DOCK3: variants seen among roughly 807,000 people sequenced by gnomAD.
DOCK3 encodes dedicator of cytokinesis protein 3.
DOCK3 carries 60 observed loss-of-function variants against 265.6 expected under a neutral mutation model. The ratio of observed to expected loss-of-function variants is 0.23; its 90% CI spans 0.18 to 0.28. The LOEUF (loss-of-function observed/expected upper bound fraction) is 0.28, where lower values mean the gene tolerates loss of function less well. Ranked by LOEUF, DOCK3 falls within the 10% of genes least tolerant of loss-of-function variation. DOCK3 has a pLI of 1.00. For missense variants in DOCK3, 1,981 were observed against 2,594.3 expected, an observed-to-expected ratio of 0.76 and a Z score of 5.14; for synonymous variants, 881 against 938.0, an observed-to-expected ratio of 0.94 and a Z score of 1.11.
intron 27 of DOCK3, among the ~76,000 whole-genome samples, chr3:51,302,194 TC>T (rs2082395971): frequency 6.6e-6 from 1 of 152,214 alleles, no homozygotes; most frequent in African/African-American, 2.4e-5. Flanking sequence ...CCCTTCTTTA[TC>T]TTTTTTTGTC....
chr3:51,252,476 G>A (rs138105943), intron 22 of DOCK3, among the ~76,000 whole-genome samples: 6,542 of 152,248 alleles, frequency 0.043, 180 homozygotes, highest in Non-Finnish European at 0.067. Flanking sequence ...TCACAGTATT[G>A]ATTCTTCCTA....
chr3:50,680,879 C>T (rs574744893), intron 1 of DOCK3, among the ~76,000 whole-genome samples: 111 of 152,018 alleles, frequency 7.3e-4, no homozygotes, highest in Non-Finnish European at 1.5e-3. Context: ...AGTCCCTTAT[C>T]AGATAAATAG....
intron 3 of DOCK3, among the ~76,000 whole-genome samples, chr3:50,843,284 CA>C (rs1262404540): frequency 1.3e-5 from 2 of 151,934 alleles, no homozygotes; most frequent in Non-Finnish European, 2.9e-5. Flanking sequence ...GGTCAGTGTC[CA>C]AGACATTCTG....
At chr3:51,146,483 G>A (rs568713947) in intron 9 of DOCK3, 66 bp from the exon 10 acceptor site, 3 of 1,479,838 alleles carry the variant, frequency 2.0e-6, no homozygotes, top group Middle Eastern at 1.7e-4. Flanking sequence ...TTCCGTATCT[G>A]CCCTTTTTCT....
At chr3:50,822,853 A>T (rs2044523694) in intron 2 of DOCK3, among the ~76,000 whole-genome samples, 1 of 152,176 alleles carries the variant, frequency 6.6e-6, no homozygotes, top group Admixed American at 6.5e-5. Flanking sequence ...CCTGCCACTT[A>T]CTAATGACAC....
intron 12 of DOCK3, among the ~76,000 whole-genome samples, chr3:51,174,166 A>G (rs2086824067): frequency 6.6e-6 from 1 of 151,980 alleles, no homozygotes; most frequent in Admixed American, 6.6e-5. Flanking sequence ...TCATTGTTAA[A>G]CTTCTTGGCT....
intron 18 of DOCK3, 103 bp from the exon 19 acceptor site, chr3:51,229,409 C>T: frequency 1.4e-6 from 1 of 723,580 alleles, no homozygotes; most frequent in South Asian, 3.1e-5. Flanking sequence ...TGAGATCATA[C>T]AACCGCACTC....
intron 5 of DOCK3, among the ~76,000 whole-genome samples, chr3:51,047,809 G>A (rs1365016448): frequency 6.6e-6 from 1 of 152,020 alleles, no homozygotes; most frequent in Non-Finnish European, 1.5e-5. Context: ...ATTATACCAG[G>A]CATTTAGAGA....
intron 3 of DOCK3, among the ~76,000 whole-genome samples, chr3:50,855,211 A>C (rs376368519): frequency 5.1e-4 from 77 of 152,246 alleles, no homozygotes; most frequent in African/African-American, 1.8e-3. Flanking sequence ...TCTGTAGATT[A>C]TTTTGGGCAG....
Position 51,341,241 on chromosome 3 carries a change from C to T in DOCK3, c.3771C>T (p.Ala1257=), listed in dbSNP as rs762041259. 13 of 1,571,584 alleles carry T rather than the reference C, an allele frequency of 8.3e-6. No individual in the cohort carries two copies. The highest frequency in any genetic ancestry group is 4.0e-5 in the African/African-American group (3 of 74,270). Residue 1257 remains alanine (A), a synonymous_variant, in exon 38 of 53, where the codon GCC becomes GCT. Coordinates refer to ENST00000266037, the MANE Select transcript of DOCK3 (RefSeq NM_004947.5). The stretch of plus-strand genomic sequence containing the variant: ...CCATGCTGTCTGTCCCCACAGAGGC[C>T]GCATTTACCCTGCTCCTTTACTGTG... The part of the protein sequence containing the change: ...MHLQAENYTE[A]AFTLLLYCEL...
At chr3:51,286,863 C>G (rs1395270917) in intron 27 of DOCK3, among the ~76,000 whole-genome samples, 1 of 152,138 alleles carries the variant, frequency 6.6e-6, no homozygotes, top group Non-Finnish European at 1.5e-5. Context: ...TATAAAAACT[C>G]TGGAAGATTT....
intron 2 of DOCK3, among the ~76,000 whole-genome samples, chr3:50,819,568 G>C (rs141760613): frequency 6.6e-6 from 1 of 152,116 alleles, no homozygotes; most frequent in East Asian, 1.9e-4. Context: ...ACCAGATGGC[G>C]ACAAAAGCGA....
At chr3:50,829,128 C>T (rs998954381) in intron 2 of DOCK3, among the ~76,000 whole-genome samples, 8 of 152,158 alleles carry the variant, frequency 5.3e-5, no homozygotes, top group Admixed American at 1.3e-4. Flanking sequence ...TTTCTTTCAG[C>T]GCTGGTTTGC....
intron 5 of DOCK3, among the ~76,000 whole-genome samples, chr3:50,955,034 C>T (rs2076691978): frequency 1.3e-5 from 2 of 151,916 alleles, no homozygotes. Flanking sequence ...TTCAATCTTC[C>T]ATGTATGGCT....
At chr3:50,680,504 G>A (rs1228270418) in intron 1 of DOCK3, among the ~76,000 whole-genome samples, 2 of 135,378 alleles carry the variant, frequency 1.5e-5, no homozygotes, top group East Asian at 4.4e-4. Flanking sequence ...ATGAGCCACC[G>A]TGCCCTGCTT....
chr3:51,016,536 G>A (rs1353456363), intron 5 of DOCK3, among the ~76,000 whole-genome samples: 1 of 40,992 alleles, frequency 2.4e-5, no homozygotes, highest in Non-Finnish European at 3.5e-5. Context: ...TATAATATAT[G>A]ATATATATAT....
chr3:51,130,557 C>G (rs1197466659), intron 9 of DOCK3, among the ~76,000 whole-genome samples: 1 of 152,184 alleles, frequency 6.6e-6, no homozygotes, highest in Admixed American at 6.5e-5. Context: ...CACTGTCATT[C>G]TTCAAGATCC....
At chr3:51,206,333 C>T (rs1279438253) in intron 12 of DOCK3, among the ~76,000 whole-genome samples, 1 of 152,124 alleles carries the variant, frequency 6.6e-6, no homozygotes, top group Non-Finnish European at 1.5e-5. Context: ...AGTTTTGCTA[C>T]ATGGTGGAGA....
chr3:51,146,461 T>C (rs1288729678), intron 9 of DOCK3, 88 bp from the exon 10 acceptor site: 3 of 1,335,610 alleles, frequency 2.2e-6, no homozygotes, highest in African/African-American at 1.5e-5. Context: ...TATGTAAATA[T>C]GTTTAGTGTT....
Sources: gnomAD v4.1 joint callset for allele counts (sites outside exome capture counted in the v4.1 genomes callset) on GRCh38, gnomAD v4.1.1 for gene constraint, MANE v1.5 for transcripts, NCBI Gene and HGNC (gene_info 2026-07-23, HGNC 2026-07-21) for gene names.